VPS13A: variants seen among roughly 807,000 people sequenced by gnomAD.
VPS13A encodes the protein vacuolar protein sorting 13 homolog A.
Under a neutral mutation model 390.9 loss-of-function variants are expected in VPS13A, and 264 were observed. The observed-to-expected ratio is 0.68, with a 90% CI of 0.61 to 0.75. The LOEUF (loss-of-function observed/expected upper bound fraction) is 0.75, where lower values mean the gene tolerates loss of function less well. Among genes scored for constraint, VPS13A ranks in the 30% least tolerant of loss-of-function variants. The pLI, the probability that VPS13A is intolerant of heterozygous loss-of-function variation, is 0.00. For synonymous variants in VPS13A, 1,231 were observed against 1,227.1 expected (o/e 1.00, Z -0.07); for missense variants, 3,409 against 3,733.9 (o/e 0.91, Z 2.27).
At position 77,339,756 on chromosome 9, in the gene VPS13A, A is replaced by G; in HGVS notation, c.6619A>G (p.Thr2207Ala). ...CCATATGACTTACAATACTGGTCAG[A>G]CAGTTGTGGCATTTCATAGTCCTTA... Reference protein sequence around the residue: ...AVHMTYNTGQTVVAFHSPYWM... With the variant: ...AVHMTYNTGQAVVAFHSPYWM... The change falls in exon 48 of 72, where the codon ACA (threonine) becomes GCA (alanine). Residue 2207 changes from threonine (T) to alanine (A), a missense_variant. Coordinates refer to ENST00000360280, the MANE Select transcript of VPS13A (RefSeq NM_033305.3). 6.2e-7 allele frequency: 1 copy of G among 1,614,108 alleles called. No homozygotes were observed.
chr9:77,371,493 A>AT (rs1393434969), intron 67 of VPS13A, among the ~76,000 whole-genome samples: 17 of 152,090 alleles, frequency 1.1e-4, no homozygotes, highest in Admixed American at 1.0e-3. Flanking sequence ...TAATGCATTC[A>AT]TGGGGGCAGA....
rs188428274 is a variant in VPS13A at position 77,351,512 on chromosome 9, G to A, written c.7419+66G>A. The stretch of plus-strand genomic sequence containing the variant: ...TAAAAAAGGTATTTGGGCCGGGTGC[G>A]GTGGCTCACGCCTGTAATCCCAGCA... On this transcript the variant is annotated intron_variant, in intron 53 of 71. Coordinates refer to ENST00000360280, the MANE Select transcript of VPS13A (RefSeq NM_033305.3). 4,225 of 1,578,226 alleles carry A rather than the reference G, an allele frequency of 2.7e-3. 7 individuals are homozygous for A. The highest frequency in any genetic ancestry group is 3.3e-3 in the Non-Finnish European group (3,833 of 1,155,390).
intron 38 of VPS13A, 137 bp downstream of exon 38, chr9:77,315,607 CCTT>C: frequency 1.1e-6 from 1 of 887,020 alleles, no homozygotes; most frequent in Non-Finnish European, 1.7e-6. Flanking sequence ...AGAAGGAAAA[CCTT>C]AATGTGTTTT....
At chr9:77,390,718 G>A (rs1410644591) in intron 68 of VPS13A, among the ~76,000 whole-genome samples, 1 of 136,576 alleles carries the variant, frequency 7.3e-6, no homozygotes, top group Non-Finnish European at 1.5e-5. Context: ...TCACTCTCTC[G>A]CCCAAGCTGG....
chr9:77,213,720 T>C (rs1826102305), intron 9 of VPS13A, among the ~76,000 whole-genome samples: 1 of 152,006 alleles, frequency 6.6e-6, no homozygotes, highest in South Asian at 2.1e-4. Flanking sequence ...CCCAAATTTG[T>C]CTCAAACTCC....
chr9:77,302,749 C>T (rs140017498), intron 33 of VPS13A, among the ~76,000 whole-genome samples, 166 bp from the exon 34 acceptor site: 3 of 152,224 alleles, frequency 2.0e-5, no homozygotes, highest in East Asian at 3.9e-4. Flanking sequence ...CATCACTCAA[C>T]TCATTTTGAC....
chr9:77,201,262 TA>T, intron 2 of VPS13A, 102 bp from the exon 3 acceptor site: 1 of 783,248 alleles, frequency 1.3e-6, no homozygotes, highest in Non-Finnish European at 2.2e-6. Flanking sequence ...GTAAGTTTAT[TA>T]AAAAATCCCT....
At chr9:77,244,550 C>A (rs1372532676) in intron 19 of VPS13A, among the ~76,000 whole-genome samples, 1 of 152,126 alleles carries the variant, frequency 6.6e-6, no homozygotes, top group African/African-American at 2.4e-5. Flanking sequence ...CTTTTGAGTG[C>A]TGTTATGTGC....
chr9:77,231,976 C>T (rs1016213572), intron 17 of VPS13A, among the ~76,000 whole-genome samples: 5 of 152,230 alleles, frequency 3.3e-5, no homozygotes, highest in Non-Finnish European at 7.4e-5. Context: ...GTGGATATCC[C>T]GGTGTCCCCT....
At position 77,407,629 on chromosome 9, in the gene VPS13A, T is replaced by C. The variant is rs1834688810; in HGVS notation, c.9474+22T>C. ...CAGGGTAAATATAATAAATCTTTTATTTAAATAGGAGCTGCTCACTTCAAA... is the reference window on the plus strand; with the variant it reads ...CAGGGTAAATATAATAAATCTTTTACTTAAATAGGAGCTGCTCACTTCAAA... On this transcript the variant is annotated intron_variant, in intron 71 of 71. Coordinates refer to ENST00000360280, the MANE Select transcript of VPS13A (RefSeq NM_033305.3). 3 of 1,551,800 alleles carry C rather than the reference T, an allele frequency of 1.9e-6. No individual in the cohort carries two copies. The South Asian group carries it at 3.4e-5, about 17-fold the overall frequency.
intron 59 of VPS13A, among the ~76,000 whole-genome samples, chr9:77,364,286 G>A (rs748563919): frequency 5.3e-5 from 8 of 152,020 alleles, no homozygotes; most frequent in African/African-American, 1.2e-4. Context: ...TTAGCCAGGC[G>A]TGTTGGCAGG....
At chr9:77,187,817 G>T (rs537157306) in intron 1 of VPS13A, among the ~76,000 whole-genome samples, 1 of 152,246 alleles carries the variant, frequency 6.6e-6, no homozygotes, top group South Asian at 2.1e-4. Context: ...CACCCAGGTA[G>T]AGAGCATAGT....
chr9:77,357,803 CAA>C lies in VPS13A; in HGVS notation c.7919_7920del (p.Gln2640LeufsTer4), dbSNP rs1831901144. On this transcript the variant is annotated frameshift_variant, in exon 56 of 72. Coordinates refer to ENST00000360280, the MANE Select transcript of VPS13A (RefSeq NM_033305.3). LOFTEE classifies it high-confidence loss of function. ...AGTGGAATATAACACATCTGCACAT[CAA>C]TCATCATTTAGAATTCAGATTTACA... ...LKVEYNTSAH[Q>X]SSFRIQIYRI... 4 of 1,613,348 alleles carry C rather than the reference CAA, an allele frequency of 2.5e-6. No homozygotes were observed. Among genetic ancestry groups the C allele is most frequent in the African/African-American group, 2.7e-5 (2 of 74,768 alleles).
Position 77,226,612 on chromosome 9 carries a change from AT to A in VPS13A, c.1357+18del. 6.2e-7 allele frequency: 1 copy of A among 1,609,976 alleles called. No homozygotes were observed. On this transcript the variant is annotated intron_variant, in intron 15 of 71. Transcript: ENST00000360280. ...TTCAACCTGAAAGTATGTCCATTTC[AT>A]TTTACAGCATAGTTAATCACTGGGT...
chr9:77,401,637 C>T (rs985005031), intron 68 of VPS13A, among the ~76,000 whole-genome samples: 4 of 152,092 alleles, frequency 2.6e-5, no homozygotes. Context: ...GATGTACTGT[C>T]ATCCACAAAT....
chr9:77,277,025 C>T (rs1826724276), intron 26 of VPS13A, among the ~76,000 whole-genome samples: 1 of 152,180 alleles, frequency 6.6e-6, no homozygotes, highest in South Asian at 2.1e-4. Context: ...GCAGTATTCT[C>T]CTTACTGCAA....
At chr9:77,190,372 G>T (rs1824601900) in intron 1 of VPS13A, among the ~76,000 whole-genome samples, 1 of 152,144 alleles carries the variant, frequency 6.6e-6, no homozygotes, top group African/African-American at 2.4e-5. Context: ...TTTTAGTTCT[G>T]TTTAGTAATG....
intron 63 of VPS13A, 108 bp from the exon 64 acceptor site, chr9:77,370,146 GACA>G (rs1832667743): frequency 1.2e-5 from 14 of 1,188,514 alleles, no homozygotes; most frequent in Non-Finnish European, 1.7e-5. Context: ...CTTCCTCTGG[GACA>G]ACATTATCCA....
intron 71 of VPS13A, among the ~76,000 whole-genome samples, chr9:77,409,655 C>T (rs1409633043): frequency 6.7e-6 from 1 of 149,212 alleles, no homozygotes; most frequent in Non-Finnish European, 1.5e-5. Context: ...GACGAATGCA[C>T]AAGCCTCAGT....
Sources: allele counts gnomAD v4.1 joint callset (sites outside exome capture counted in the v4.1 genomes callset), GRCh38; gene constraint gnomAD v4.1.1; transcripts MANE v1.5; gene names NCBI Gene and HGNC (gene_info 2026-07-23, HGNC 2026-07-21).